The following MEGF11 variants were observed in gnomAD, a reference collection of about 807,000 sequenced individuals.
MEGF11 encodes the protein multiple epidermal growth factor-like domains protein 11.
Under a neutral mutation model 146.6 loss-of-function variants are expected in MEGF11, and 126 were observed. That is an observed-to-expected ratio of 0.86 (90% confidence interval 0.74 to 1.00). MEGF11 has a LOEUF of 1.00. Among genes scored for constraint, MEGF11 ranks in the 50% least tolerant of loss-of-function variants. The probability of loss-of-function intolerance (pLI) is 0.00; values close to 1 mark genes in which losing one functional copy is unlikely to be tolerated. For missense variants in MEGF11, 1,509 were observed against 1,521.2 expected, an observed-to-expected ratio of 0.99 and a Z score of 0.13; for synonymous variants, 532 against 583.4, an observed-to-expected ratio of 0.91 and a Z score of 1.27.
intron 5 of MEGF11, among the ~76,000 whole-genome samples, chr15:66,026,060 C>T (rs2083319859): frequency 6.6e-6 from 1 of 152,204 alleles, no homozygotes; most frequent in South Asian, 2.1e-4. Context: ...AATGCCAAGG[C>T]CCCGCTCCAG....
At position 65,993,332 on chromosome 15, in the gene MEGF11, G is replaced by C. The variant is rs1438803173; in HGVS notation, c.395-10844C>G. 1.1e-4 allele frequency among the ~76,000 whole-genome samples: 17 copies of C among 152,152 alleles called. No homozygotes were observed. The East Asian group carries it at 3.3e-3, about 29-fold the overall frequency. ...GACCCAGGGACCCAGAAAGCTATCT[G>C]TCCTTAGCTCTGCTCAAAGCCCTCC... On this transcript the variant is annotated intron_variant, in intron 5 of 25. Coordinates refer to ENST00000395614, the MANE Select transcript of MEGF11 (RefSeq NM_001385028.1).
At chr15:66,247,800 G>T (rs1245337465) in intron 1 of MEGF11, among the ~76,000 whole-genome samples, 1 of 149,012 alleles carries the variant, frequency 6.7e-6, no homozygotes, top group East Asian at 1.9e-4. Context: ...ATTTTGGGAG[G>T]CCGAGGCTGG....
chr15:66,159,827 G>A (rs1238472666), intron 1 of MEGF11, among the ~76,000 whole-genome samples: 1 of 152,052 alleles, frequency 6.6e-6, no homozygotes, highest in Non-Finnish European at 1.5e-5. Flanking sequence ...ATTCTCGAAG[G>A]GTTAATTGAG....
At chr15:66,050,597 A>C (rs2084410048) in intron 5 of MEGF11, among the ~76,000 whole-genome samples, 1 of 152,156 alleles carries the variant, frequency 6.6e-6, no homozygotes, top group Admixed American at 6.5e-5. Flanking sequence ...TCTTACCCTG[A>C]GTGTGATGGG....
At position 65,982,616 on chromosome 15, in the gene MEGF11, G is replaced by A; in HGVS notation, c.395-128C>T. ...GCTCCCCGGACAGGTGGCAGCAAGGGGTGCCTGGAAGCTTTGGTGCCTCAT... is the reference window on the plus strand; with the variant it reads ...GCTCCCCGGACAGGTGGCAGCAAGGAGTGCCTGGAAGCTTTGGTGCCTCAT... On this transcript the variant is annotated intron_variant, in intron 5 of 25. Coordinates refer to ENST00000395614, the MANE Select transcript of MEGF11 (RefSeq NM_001385028.1). This position sits in a 1 kb window ranked among gnomAD's most constrained non-coding sequence, Gnocchi z 5.6. 8.5e-7 allele frequency: 1 copy of A among 1,173,262 alleles called. No individual in the cohort carries two copies. The highest frequency in any genetic ancestry group is 1.9e-5 in the South Asian group (1 of 52,760). 72.7% of individuals were successfully genotyped at this position (1,173,262 alleles called of 1,614,324 possible). A position where few individuals can be genotyped will look rare whatever the true frequency, so the allele number is the denominator to read the frequency against.
chr15:65,898,412 T>G lies in MEGF11; in HGVS notation c.3262+316A>C. 3 of 979,880 alleles carry G rather than the reference T, an allele frequency of 3.1e-6. No individual in the cohort carries two copies. In the South Asian group the frequency reaches 1.4e-4, roughly 46 times the overall value. The allele number at this position is 979,880 out of a possible 1,614,324, so 60.7% of individuals were successfully genotyped here. On this transcript the variant is annotated intron_variant, in intron 25 of 25. Transcript: ENST00000395614. ...CTTGTTGATGTCTCTGATTGCTTTC[T>G]TTTTTAAAATGAGATTTGTATCAAC...
chr15:66,047,402 C>G (rs1350092197), intron 5 of MEGF11, among the ~76,000 whole-genome samples: 3 of 152,194 alleles, frequency 2.0e-5, no homozygotes, highest in Non-Finnish European at 4.4e-5. Context: ...CATGTCTTCT[C>G]TGAGCCATGG....
intron 1 of MEGF11, among the ~76,000 whole-genome samples, chr15:66,179,767 T>C (rs1184425415): frequency 6.6e-6 from 1 of 152,000 alleles, no homozygotes; most frequent in Non-Finnish European, 1.5e-5. Flanking sequence ...TATGAACTCC[T>C]TGAAGACAAG....
At chr15:65,944,852 C>T (rs1332468207) in intron 10 of MEGF11, among the ~76,000 whole-genome samples, 1 of 151,578 alleles carries the variant, frequency 6.6e-6, no homozygotes, top group East Asian at 1.9e-4. Context: ...CCAGTGTCCT[C>T]TGGTCCATCC....
In MEGF11 at chr15:66,069,497, A is replaced by G. The variant is rs1013949390; in HGVS notation, c.394+24905T>C. Reference sequence around the variant, plus strand: ...CTGTAAAGAAGGTACTGTTAGCTCCATTTTATAAAAGGAGAGATTGAGGTA... The same window carrying G: ...CTGTAAAGAAGGTACTGTTAGCTCCGTTTTATAAAAGGAGAGATTGAGGTA... On this transcript the variant is annotated intron_variant, in intron 5 of 25. Transcript: ENST00000395614. 2.0e-5 allele frequency among the ~76,000 whole-genome samples: 3 copies of G among 152,178 alleles called. No individual in the cohort carries two copies. In the East Asian group the frequency reaches 5.8e-4, roughly 29 times the overall value.
chr15:66,200,355 T>C (rs772519740), intron 1 of MEGF11, among the ~76,000 whole-genome samples: 5 of 152,246 alleles, frequency 3.3e-5, no homozygotes, highest in Admixed American at 6.5e-5. Context: ...TATGAGAGCT[T>C]GTACTGTAAA....
chr15:66,158,726 A>G (rs1462446400), intron 1 of MEGF11, among the ~76,000 whole-genome samples: 2 of 152,254 alleles, frequency 1.3e-5, no homozygotes, highest in Admixed American at 1.3e-4. Flanking sequence ...CAGTCCCAGC[A>G]TGGTAAACAG....
At chr15:66,204,474 G>A (rs948323159) in intron 1 of MEGF11, among the ~76,000 whole-genome samples, 4 of 152,198 alleles carry the variant, frequency 2.6e-5, no homozygotes, top group African/African-American at 9.6e-5. Flanking sequence ...CAGGCCTTGT[G>A]ATACCAGTAG....
intron 10 of MEGF11, among the ~76,000 whole-genome samples, chr15:65,934,595 G>A (rs2079698136): frequency 6.6e-6 from 1 of 152,196 alleles, no homozygotes; most frequent in African/African-American, 2.4e-5. Context: ...GGCTGCTTCA[G>A]GATGGGGGCT....
chr15:66,057,577 A>C (rs986514365), intron 5 of MEGF11, among the ~76,000 whole-genome samples: 1 of 151,950 alleles, frequency 6.6e-6, no homozygotes, highest in African/African-American at 2.4e-5. Context: ...CACCTTTTCT[A>C]TTACGTCAAG....
chr15:65,942,571 G>T (rs1181519060), intron 10 of MEGF11, among the ~76,000 whole-genome samples: 1 of 152,134 alleles, frequency 6.6e-6, no homozygotes, highest in Non-Finnish European at 1.5e-5. Context: ...GTGCTGTGTT[G>T]CTGCTGCTGA....
At chr15:65,961,551 G>A (rs1034635121) in intron 9 of MEGF11, among the ~76,000 whole-genome samples, 4 of 152,190 alleles carry the variant, frequency 2.6e-5, no homozygotes, top group Admixed American at 1.3e-4. Flanking sequence ...TCTCTCTCAA[G>A]GTTATTCCTG....
At chr15:66,078,477 A>G (rs2085689433) in intron 5 of MEGF11, among the ~76,000 whole-genome samples, 2 of 152,236 alleles carry the variant, frequency 1.3e-5, no homozygotes, top group Non-Finnish European at 2.9e-5. Context: ...GCGGTGGCCC[A>G]CAGGTGGGCA....
chr15:65,986,014 C>T (rs1043880455), intron 5 of MEGF11, among the ~76,000 whole-genome samples: 25 of 150,500 alleles, frequency 1.7e-4, no homozygotes, highest in African/African-American at 3.9e-4. Context: ...TGCAGTGGCA[C>T]GATCTCAGCT....
Sources: gnomAD v4.1 joint callset for allele counts (sites outside exome capture counted in the v4.1 genomes callset) on GRCh38, gnomAD v4.1.1 for gene constraint, Gnocchi (gnomAD v3.1) non-coding constraint, MANE v1.5 for transcripts, NCBI Gene and HGNC (gene_info 2026-07-23, HGNC 2026-07-21) for gene names.